Variants in MAPK12 observed in about 807,000 individuals in gnomAD.
MAPK12 encodes the protein mitogen-activated protein kinase 12.
MAPK12 carries 49 observed loss-of-function variants against 49.1 expected under a neutral mutation model. That is an observed-to-expected ratio of 1.00 (90% CI 0.79 to 1.27). The LOEUF (loss-of-function observed/expected upper bound fraction) is 1.27, where lower values mean the gene tolerates loss of function less well. Among genes scored for constraint, MAPK12 ranks in the 50% most tolerant of loss-of-function variants. The probability of loss-of-function intolerance (pLI) is 0.00; values close to 1 mark genes in which losing one functional copy is unlikely to be tolerated. For synonymous variants in MAPK12, 251 were observed against 209.7 expected (o/e 1.20, Z -1.70); for missense variants, 554 against 502.4 (o/e 1.10, Z -0.98).
Position 50,261,592 on chromosome 22 carries a change from T to G in MAPK12, c.-83A>C. The stretch of plus-strand genomic sequence containing the variant: ...GGACGGGGCTCCCTCGGCGCGCGCC[T>G]CGGGCCGGCTCCGCGCCGCTCGTCC... On this transcript the variant is annotated 5_prime_UTR_variant, in exon 1 of 12. Transcript: ENST00000215659. 1.0e-6 allele frequency: 1 copy of G among 1,002,772 alleles called. No homozygotes were observed. Among genetic ancestry groups the G allele is most frequent in the Non-Finnish European group, 1.2e-6 (1 of 844,078 alleles). The allele number at this position is 1,002,772 out of a possible 1,614,324, so 62.1% of individuals were successfully genotyped here. A position where few individuals can be genotyped will look rare whatever the true frequency, so the allele number is the denominator to read the frequency against.
intron 4 of MAPK12, 34 bp from the exon 5 acceptor site, chr22:50,256,998 G>C (rs200197701): frequency 6.2e-7 from 1 of 1,603,914 alleles, no homozygotes; most frequent in South Asian, 1.1e-5. Flanking sequence ...AGGCTTCAGC[G>C]CACCCTCTCA....
At chr22:50,261,132 G>A in intron 2 of MAPK12, 35 bp downstream of exon 2, 1 of 1,543,674 alleles carries the variant, frequency 6.5e-7, no homozygotes, top group Admixed American at 1.8e-5. Context: ...AGCCGAGGCC[G>A]CGGCGCCTTC....
At position 50,261,473 on chromosome 22, in the gene MAPK12, G is replaced by C. The variant is rs200538586; in HGVS notation, c.37C>G (p.Arg13Gly). Residue 13 changes from arginine to glycine, a missense_variant, in exon 1 of 12, where the codon CGC becomes GGC. Coordinates refer to ENST00000215659, the MANE Select transcript of MAPK12 (RefSeq NM_002969.6). ...SPPPARSGFY[R>G]QEVTKTAWEV... is the part of the protein sequence containing the mutation. The stretch of plus-strand genomic sequence containing the variant: ...CAGGCCGTCTTGGTCACCTCCTGGC[G>C]GTAAAAGCCACTGCGGGCGGGCGGC... The C allele has an allele frequency of 3.5e-5, 44 of 1,274,180 alleles. No homozygotes were observed. Among genetic ancestry groups the C allele is most frequent in the Non-Finnish European group, 4.4e-5 (43 of 986,606 alleles). 78.9% of individuals were successfully genotyped at this position (1,274,180 alleles called of 1,614,324 possible).
In MAPK12 at chr22:50,253,294, G is replaced by T. The variant is rs1011481293; in HGVS notation, c.*107C>A. ...TGGAACCCGGGCGTCTGCTCTGATG[G>T]ATGCCTTGGGATGCAAGCCCCAGCC... is the stretch of plus-strand genomic sequence containing the variant. On this transcript the variant is annotated 3_prime_UTR_variant, in exon 12 of 12. Coordinates refer to ENST00000215659, the MANE Select transcript of MAPK12 (RefSeq NM_002969.6). 4.9e-6 allele frequency: 4 copies of T among 817,380 alleles called. No individual in the cohort carries two copies. The highest frequency in any genetic ancestry group is 1.7e-5 in the African/African-American group (1 of 59,190). 50.6% of individuals were successfully genotyped at this position (817,380 alleles called of 1,614,324 possible).
intron 11 of MAPK12, chr22:50,254,799 C>T: frequency 5.2e-6 from 6 of 1,152,262 alleles, no homozygotes; most frequent in African/African-American, 1.6e-5. Context: ...GTCTGGGGGC[C>T]AGGAGGGGCT....
At chr22:50,256,726 G>T in intron 5 of MAPK12, 80 bp from the exon 6 acceptor site, 1 of 1,540,752 alleles carries the variant, frequency 6.5e-7, no homozygotes, top group Non-Finnish European at 8.8e-7. Flanking sequence ...GGCACCTAAA[G>T]ATGGGGCCAC....
chr22:50,261,164 C>T lies in MAPK12; in HGVS notation c.255+3G>A. The T allele has an allele frequency of 6.3e-7, 1 of 1,583,666 alleles. No homozygotes were observed. Among genetic ancestry groups the T allele is most frequent in the East Asian group, 2.4e-5 (1 of 42,254 alleles). On this transcript the variant is annotated splice_donor_region_variant and intron_variant, in intron 2 of 11. Coordinates refer to ENST00000215659, the MANE Select transcript of MAPK12 (RefSeq NM_002969.6). ...CTTCCCGGAGCGGGGCCGCGCGACT[C>T]ACGTTCTCGTGGCGCATGTGCTTGA...
intron 11 of MAPK12, chr22:50,254,262 G>C (rs962852009): frequency 2.0e-5 from 3 of 152,590 alleles, no homozygotes; most frequent in African/African-American, 7.3e-5. Flanking sequence ...AGTTGGGGTT[G>C]GAGTCTGGAC....
At position 50,261,270 on chromosome 22, in the gene MAPK12, G is replaced by T; in HGVS notation, c.152C>A (p.Ala51Asp). 6.5e-7 allele frequency: 1 copy of T among 1,539,198 alleles called. No individual in the cohort carries two copies. The highest frequency in any genetic ancestry group is 1.2e-5 in the South Asian group (1 of 82,620). ...VCSAVDGRTGAKVAIKKLYRP... is the reference protein window; with the variant it reads ...VCSAVDGRTGDKVAIKKLYRP... ...ATACAGCTTCTTGATGGCCACCTTA[G>T]CGCCGGTGCGGCCGTCCACGGCCGA... The change falls in exon 2 of 12, where the codon GCT (alanine) becomes GAT (aspartate). Residue 51 changes from alanine (A) to aspartate (D), a missense_variant. By Grantham distance (126) the Ala-to-Asp change is moderately radical. Coordinates refer to ENST00000215659, the MANE Select transcript of MAPK12 (RefSeq NM_002969.6).
intron 2 of MAPK12, among the ~76,000 whole-genome samples, chr22:50,260,294 G>C (rs761414858): frequency 6.6e-6 from 1 of 151,798 alleles, no homozygotes; most frequent in Non-Finnish European, 1.5e-5. Context: ...CCAAGGCACC[G>C]GTGGCTCAGA....
chr22:50,253,491 TGGGG>T lies in MAPK12; in HGVS notation c.1025-15_1025-12del. 2.0e-4 allele frequency: 21 copies of T among 103,758 alleles called. No homozygotes were observed. Among genetic ancestry groups the T allele is most frequent in the Non-Finnish European group, 3.3e-4 (19 of 58,422 alleles). 6.4% of individuals were successfully genotyped at this position (103,758 alleles called of 1,614,324 possible). On this transcript the variant is annotated splice_polypyrimidine_tract_variant and intron_variant, in intron 11 of 11. Coordinates refer to ENST00000215659, the MANE Select transcript of MAPK12 (RefSeq NM_002969.6). ...CTTTGTAAGTAACACCTGGCGGGGG[TGGGG>T]GGGCGGGCACAACAGAGAGGGGGGT...
At chr22:50,261,333 C>G (rs2065211437) in intron 1 of MAPK12, 37 bp from the exon 2 acceptor site, 1 of 1,202,162 alleles carries the variant, frequency 8.3e-7, no homozygotes, top group Admixed American at 4.5e-5. Flanking sequence ...GGCCGGGCAC[C>G]CCGCGCAGGC....
At position 50,258,304 on chromosome 22, in the gene MAPK12, G is replaced by A. The variant is rs756575862; in HGVS notation, c.256-3C>T. The A allele has an allele frequency of 3.1e-6, 5 of 1,611,038 alleles. No individual in the cohort carries two copies. Among genetic ancestry groups the A allele is most frequent in the African/African-American group, 1.3e-5 (1 of 74,894 alleles). ...AATACGTCCAGCAGCCCGATCACCTGGGGGGGCCACATAGGGTTGAGAATG... is the reference window on the plus strand; with the variant it reads ...AATACGTCCAGCAGCCCGATCACCTAGGGGGGCCACATAGGGTTGAGAATG... On this transcript the variant is annotated splice_polypyrimidine_tract_variant and splice_region_variant and intron_variant, in intron 2 of 11. Coordinates refer to ENST00000215659, the MANE Select transcript of MAPK12 (RefSeq NM_002969.6).
At chr22:50,255,943 A>G in intron 7 of MAPK12, 62 bp from the exon 8 acceptor site, 1 of 1,553,638 alleles carries the variant, frequency 6.4e-7, no homozygotes, top group Non-Finnish European at 8.8e-7. Context: ...GGGAGGGAGG[A>G]GACACCAACA....
rs201183390 is a variant in MAPK12 at position 50,256,983 on chromosome 22, T to G, written c.427-19A>C. 20 of 1,606,306 alleles carry G rather than the reference T, an allele frequency of 1.2e-5. No individual in the cohort carries two copies. The Admixed American group carries it at 2.0e-4, about 16-fold the overall frequency. ...GGATATACTGCGGGGGGCAGAGGAT[T>G]TGGCAGGCTTCAGCGCACCCTCTCA... On this transcript the variant is annotated intron_variant, in intron 4 of 11. Coordinates refer to ENST00000215659, the MANE Select transcript of MAPK12 (RefSeq NM_002969.6).
At chr22:50,256,555 G>C (rs760846615) in intron 6 of MAPK12, 44 bp downstream of exon 6, 1 of 1,595,752 alleles carries the variant, frequency 6.3e-7, no homozygotes, top group South Asian at 1.1e-5. Context: ...GATCCAGAGG[G>C]GGCCCCTGCC....
chr22:50,257,659 G>A lies in MAPK12; in HGVS notation c.315-466C>T, dbSNP rs568001247. The A allele has an allele frequency of 1.1e-4, 65 of 587,498 alleles. No homozygotes were observed. The Middle Eastern group carries it at 1.8e-3, about 17-fold the overall frequency. The allele number at this position is 587,498 out of a possible 1,614,324, so 36.4% of individuals were successfully genotyped here. A position where few individuals can be genotyped will look rare whatever the true frequency, so the allele number is the denominator to read the frequency against. On this transcript the variant is annotated intron_variant, in intron 3 of 11. Coordinates refer to ENST00000215659, the MANE Select transcript of MAPK12 (RefSeq NM_002969.6). ...GCAAGGCATCTGGGTCAGAGGGGTC[G>A]GCTGGGCCGGTGGAGACAGACACAG...
chr22:50,253,493 G>GGGGGGGGGGA lies in MAPK12; in HGVS notation c.1025-14_1025-13insTCCCCCCCCC. 1 of 490,250 alleles carries GGGGGGGGGGA rather than the reference G, an allele frequency of 2.0e-6. No homozygotes were observed. Among genetic ancestry groups the GGGGGGGGGGA allele is most frequent in the South Asian group, 1.6e-5 (1 of 63,122 alleles). The allele number at this position is 490,250 out of a possible 1,614,324, so 30.4% of individuals were successfully genotyped here. ...TTGTAAGTAACACCTGGCGGGGGTG[G>GGGGGGGGGGA]GGGGGCGGGCACAACAGAGAGGGGG... On this transcript the variant is annotated splice_polypyrimidine_tract_variant and intron_variant, in intron 11 of 11. Transcript: ENST00000215659.
intron 3 of MAPK12, chr22:50,257,555 G>T: frequency 1.9e-6 from 1 of 533,434 alleles, no homozygotes; most frequent in Non-Finnish European, 3.4e-6. Flanking sequence ...TTCACAGGCA[G>T]GGGAGGGAGG....
Sources: gnomAD v4.1 joint callset for allele counts (sites outside exome capture counted in the v4.1 genomes callset) on GRCh38, gnomAD v4.1.1 for gene constraint, MANE v1.5 for transcripts, NCBI Gene and HGNC (gene_info 2026-07-23, HGNC 2026-07-21) for gene names.